ZFHX4: variants seen among roughly 807,000 people sequenced by gnomAD.
ZFHX4 encodes the protein zinc finger homeobox protein 4.
Under a neutral mutation model 267.6 loss-of-function variants are expected in ZFHX4, and 56 were observed. That is an observed-to-expected ratio of 0.21 (90% CI 0.17 to 0.26). The LOEUF is 0.26. ZFHX4 is among the 10% of genes least tolerant of loss of function. The probability of loss-of-function intolerance (pLI) is 1.00; values close to 1 mark genes in which losing one functional copy is unlikely to be tolerated. For synonymous variants in ZFHX4, 1,778 were observed against 1,665.6 expected (o/e 1.07, Z -1.64); for missense variants, 4,332 against 4,420.0 (o/e 0.98, Z 0.56).
intron 4 of ZFHX4, among the ~76,000 whole-genome samples, chr8:76,808,457 C>T (rs867112769): frequency 2.0e-5 from 3 of 152,112 alleles, no homozygotes; most frequent in South Asian, 4.1e-4. Flanking sequence ...GTATGGTACA[C>T]TGCGAAGACC....
chr8:76,858,341 T>TC (rs1312267759), intron 10 of ZFHX4, among the ~76,000 whole-genome samples: 1 of 152,204 alleles, frequency 6.6e-6, no homozygotes, highest in African/African-American at 2.4e-5. Flanking sequence ...TTGGAGGCAG[T>TC]CACACCACGG....
chr8:76,690,945 C>T (rs959842872), intron 1 of ZFHX4, among the ~76,000 whole-genome samples: 1 of 151,966 alleles, frequency 6.6e-6, no homozygotes, highest in African/African-American at 2.4e-5. Flanking sequence ...GGGAAGTGGC[C>T]TTACGATCAT....
rs1812471480 is a variant in ZFHX4, at chr8:76,850,085, A to C, written c.3847-160A>C. The C allele has an allele frequency of 4.9e-6, 3 of 613,162 alleles. No individual in the cohort carries two copies. In the African/African-American group the frequency reaches 5.5e-5, roughly 11 times the overall value. The allele number at this position is 613,162 out of a possible 1,614,324, so 38.0% of individuals were successfully genotyped here. The stretch of plus-strand genomic sequence containing the variant: ...ACAACATTGCCACAGCATTGATCTA[A>C]AGTGGCAAGGTGTGGCATTGATCTG... On this transcript the variant is annotated intron_variant, in intron 8 of 10. Coordinates refer to ENST00000651372, the MANE Select transcript of ZFHX4 (RefSeq NM_024721.5).
At chr8:76,836,930 A>G (rs1228260624) in intron 5 of ZFHX4, among the ~76,000 whole-genome samples, 6 of 152,122 alleles carry the variant, frequency 3.9e-5, no homozygotes, top group Non-Finnish European at 5.9e-5. Context: ...GATAGGATGC[A>G]TATGAATGGG....
At chr8:76,848,705 G>A (rs538120182) in intron 6 of ZFHX4, among the ~76,000 whole-genome samples, 1 of 152,240 alleles carries the variant, frequency 6.6e-6, no homozygotes, top group Admixed American at 6.5e-5. Flanking sequence ...TGTGGTAAAG[G>A]CATTCTGAGA....
intron 4 of ZFHX4, among the ~76,000 whole-genome samples, chr8:76,829,913 C>T (rs1011728722): frequency 4.6e-5 from 7 of 152,090 alleles, no homozygotes; most frequent in South Asian, 2.1e-4. Flanking sequence ...TAGCAGAATT[C>T]AGGCCTGAAC....
rs561924706 is a variant in ZFHX4 at position 76,827,368 on chromosome 8, C to T, written c.3326-5970C>T. 4.4e-3 allele frequency among the ~76,000 whole-genome samples: 677 copies of T among 152,256 alleles called. 5 individuals are homozygous for T. Among genetic ancestry groups the T allele is most frequent in the Middle Eastern group, 0.02 (6 of 294 alleles). On this transcript the variant is annotated intron_variant, in intron 4 of 10. Coordinates refer to ENST00000651372, the MANE Select transcript of ZFHX4 (RefSeq NM_024721.5). ...GGAGCTCACCTCCTGCAGCATGGCCCGTTCCTAACAAGCCACGGACCAGGA... is the reference window on the plus strand; with the variant it reads ...GGAGCTCACCTCCTGCAGCATGGCCTGTTCCTAACAAGCCACGGACCAGGA...
At chr8:76,812,513 A>G (rs1016137090) in intron 4 of ZFHX4, among the ~76,000 whole-genome samples, 2 of 152,222 alleles carry the variant, frequency 1.3e-5, no homozygotes, top group African/African-American at 4.8e-5. Flanking sequence ...CTTAGGTTTT[A>G]AATTTCTTAT....
At chr8:76,762,868 A>G (rs1809953656) in intron 3 of ZFHX4, among the ~76,000 whole-genome samples, 1 of 152,200 alleles carries the variant, frequency 6.6e-6, no homozygotes, top group Non-Finnish European at 1.5e-5. Context: ...CCACTTGCCA[A>G]ATAAGGTCTT....
In ZFHX4 at chr8:76,852,747, C is replaced by T; in HGVS notation, c.5826C>T (p.Asn1942=). 6.2e-7 allele frequency: 1 copy of T among 1,613,656 alleles called. No homozygotes were observed. Among genetic ancestry groups the T allele is most frequent in the Non-Finnish European group, 8.5e-7 (1 of 1,179,746 alleles). Residue 1942 remains asparagine (N), a synonymous_variant, in exon 10 of 11, where the codon AAC becomes AAT. Transcript: ENST00000651372. ...QKKGKSGEGE[N]TDKLECGTCG... ...AGGGCAAAAGTGGTGAAGGCGAAAACACTGACAAACTAGAATGTGGAACAT... is the reference window on the plus strand; with the variant it reads ...AGGGCAAAAGTGGTGAAGGCGAAAATACTGACAAACTAGAATGTGGAACAT...
chr8:76,730,879 G>A (rs1186426109), intron 3 of ZFHX4, among the ~76,000 whole-genome samples: 1 of 152,106 alleles, frequency 6.6e-6, no homozygotes, highest in Admixed American at 6.6e-5. Context: ...ATGTAGCGAG[G>A]AATGTTTTAC....
Position 76,851,723 on chromosome 8 carries a change from C to A in ZFHX4, c.4802C>A (p.Ala1601Glu), listed in dbSNP as rs754580777. 6 of 1,613,860 alleles carry A rather than the reference C, an allele frequency of 3.7e-6. No individual in the cohort carries two copies. The highest frequency in any genetic ancestry group is 5.1e-6 in the Non-Finnish European group (6 of 1,179,884). ...KPYKCSICNV[A>E]YSQSSTLEIH... ...TACAAGTGCAGCATCTGCAATGTTGCATACAGCCAAAGCTCAACATTGGAA... is the reference window on the plus strand; with the variant it reads ...TACAAGTGCAGCATCTGCAATGTTGAATACAGCCAAAGCTCAACATTGGAA... Residue 1601 changes from alanine to glutamate, a missense_variant, in exon 10 of 11, where the codon GCA becomes GAA. By Grantham distance (107) the Ala-to-Glu change is moderately radical. Coordinates refer to ENST00000651372, the MANE Select transcript of ZFHX4 (RefSeq NM_024721.5).
At chr8:76,830,877 T>C (rs947376744) in intron 4 of ZFHX4, among the ~76,000 whole-genome samples, 10 of 152,192 alleles carry the variant, frequency 6.6e-5, no homozygotes, top group African/African-American at 2.2e-4. Context: ...GAAAAATTGC[T>C]TTCCCCGCAA....
At chr8:76,846,289 T>A (rs1356915746) in intron 6 of ZFHX4, among the ~76,000 whole-genome samples, 1 of 152,076 alleles carries the variant, frequency 6.6e-6, no homozygotes, top group Non-Finnish European at 1.5e-5. Flanking sequence ...CATCTCAATA[T>A]TCTCTACTTC....
At chr8:76,755,503 T>C (rs1369053633) in intron 3 of ZFHX4, among the ~76,000 whole-genome samples, 1 of 152,162 alleles carries the variant, frequency 6.6e-6, no homozygotes, top group Non-Finnish European at 1.5e-5. Flanking sequence ...CAAGATGCCA[T>C]AGGTAATATA....
intron 3 of ZFHX4, among the ~76,000 whole-genome samples, chr8:76,777,013 C>G (rs1385911755): frequency 6.6e-6 from 1 of 151,964 alleles, no homozygotes; most frequent in Admixed American, 6.6e-5. Flanking sequence ...GAATGCTAAC[C>G]CTTATTCAAC....
chr8:76,726,220 G>T (rs944107417), intron 3 of ZFHX4, among the ~76,000 whole-genome samples: 3 of 151,736 alleles, frequency 2.0e-5, no homozygotes, highest in Admixed American at 6.6e-5. Context: ...CAAATAAAAT[G>T]ATTTTACTGC....
chr8:76,824,889 G>A (rs1172292629), intron 4 of ZFHX4, among the ~76,000 whole-genome samples: 2 of 152,084 alleles, frequency 1.3e-5, no homozygotes, highest in East Asian at 1.9e-4. Flanking sequence ...TTTGTAAAAC[G>A]CCAAGCCTTT....
chr8:76,797,601 C>T (rs1328859272), intron 4 of ZFHX4, among the ~76,000 whole-genome samples: 6 of 152,080 alleles, frequency 3.9e-5, no homozygotes, highest in Non-Finnish European at 8.8e-5. Context: ...ATTTAGTCAG[C>T]CCTTTTACTT....
Sources: allele counts gnomAD v4.1 joint callset (sites outside exome capture counted in the v4.1 genomes callset), GRCh38; gene constraint gnomAD v4.1.1; transcripts MANE v1.5; gene names NCBI Gene and HGNC (gene_info 2026-07-23, HGNC 2026-07-21).